Variants in FAM227B observed in about 807,000 individuals in gnomAD.
FAM227B encodes the protein family with sequence similarity 227 member B, also known as protein FAM227B.
In FAM227B, 88 loss-of-function variants were observed where a neutral mutation model predicts 73.8. That is an observed-to-expected ratio of 1.19 (90% CI 1.00 to 1.42). The LOEUF (loss-of-function observed/expected upper bound fraction) is 1.42. Among genes scored for constraint, FAM227B ranks in the 40% most tolerant of loss-of-function variants. FAM227B has a pLI of 0.00. For synonymous variants in FAM227B, 210 were observed against 190.5 expected, an observed-to-expected ratio of 1.10 and a Z score of -0.84; for missense variants, 632 against 590.9, an observed-to-expected ratio of 1.07 and a Z score of -0.72.
At chr15:49,329,316 G>A in intron 15 of FAM227B, 1 of 985,350 alleles carries the variant, frequency 1.0e-6, no homozygotes, top group Non-Finnish European at 1.2e-6. Flanking sequence ...ACTATAGGAA[G>A]CACTTTCTGA....
At chr15:49,403,107 C>G (rs917716115) in intron 11 of FAM227B, among the ~76,000 whole-genome samples, 2 of 152,154 alleles carry the variant, frequency 1.3e-5, no homozygotes, top group Non-Finnish European at 2.9e-5. Flanking sequence ...GTTGAACCAA[C>G]CTTGCATCCC....
At chr15:49,566,506 T>C (rs957396143) in intron 9 of FAM227B, among the ~76,000 whole-genome samples, 2 of 152,232 alleles carry the variant, frequency 1.3e-5, no homozygotes, top group Non-Finnish European at 2.9e-5. Flanking sequence ...TATATTTAGG[T>C]TCAGATTAAT....
At chr15:49,364,838 G>C (rs1257060849) in intron 13 of FAM227B, among the ~76,000 whole-genome samples, 1 of 151,698 alleles carries the variant, frequency 6.6e-6, no homozygotes, top group African/African-American at 2.4e-5. Flanking sequence ...AAAAGCATAG[G>C]GATGGGTCAA....
intron 11 of FAM227B, among the ~76,000 whole-genome samples, chr15:49,447,056 TA>T (rs755782705): frequency 6.6e-6 from 1 of 151,586 alleles, no homozygotes; most frequent in African/African-American, 2.4e-5. Context: ...ACTGTGATTC[TA>T]CTAACATTAC....
Position 49,331,787 on chromosome 15 carries a change from T to C in FAM227B, c.1412A>G (p.His471Arg). ...EVKQDFEKFL[H>R]KLRSEAEIER... ...TTCAGAAAGAAAACCTACCAGTTTA[T>C]GTAGGAACTTCTCAAAGTCCTGTTT... The change falls in exon 15 of 16, where the codon CAT becomes CGT. Residue 471 changes from histidine to arginine, a missense_variant. By Grantham distance (29) the His-to-Arg change is conservative. Coordinates refer to ENST00000299338, the MANE Select transcript of FAM227B (RefSeq NM_152647.3). The C allele has an allele frequency of 6.3e-7, 1 of 1,595,080 alleles. No individual in the cohort carries two copies. The highest frequency in any genetic ancestry group is 8.6e-7 in the Non-Finnish European group (1 of 1,162,758).
At chr15:49,504,204 C>T (rs1481650664) in intron 11 of FAM227B, among the ~76,000 whole-genome samples, 1 of 146,722 alleles carries the variant, frequency 6.8e-6, no homozygotes, top group Non-Finnish European at 1.5e-5. Flanking sequence ...CATGTTCTCA[C>T]TCATAGGTGG....
At chr15:49,516,458 T>C (rs1415797584) in intron 10 of FAM227B, among the ~76,000 whole-genome samples, 6 of 151,900 alleles carry the variant, frequency 3.9e-5, no homozygotes, top group Non-Finnish European at 5.9e-5. Context: ...AAAAATAGAT[T>C]TTGGATTGGT....
intron 5 of FAM227B, among the ~76,000 whole-genome samples, chr15:49,583,835 A>G (rs1048095816): frequency 1.3e-5 from 2 of 152,184 alleles, no homozygotes; most frequent in African/African-American, 4.8e-5. Flanking sequence ...CCCTGAACAG[A>G]CCAATAATGA....
chr15:49,360,699 A>G (rs2044068998), intron 13 of FAM227B, among the ~76,000 whole-genome samples: 1 of 152,216 alleles, frequency 6.6e-6, no homozygotes, highest in Non-Finnish European at 1.5e-5. Context: ...TTTACTCATA[A>G]TTCAAATATC....
chr15:49,464,163 T>G (rs999276332), intron 11 of FAM227B, among the ~76,000 whole-genome samples: 1 of 151,964 alleles, frequency 6.6e-6, no homozygotes, highest in Non-Finnish European at 1.5e-5. Context: ...TAAACGAGGG[T>G]GTAGGGAGGG....
At chr15:49,454,711 G>A (rs1164122627) in intron 11 of FAM227B, among the ~76,000 whole-genome samples, 1 of 152,184 alleles carries the variant, frequency 6.6e-6, no homozygotes, top group Non-Finnish European at 1.5e-5. Context: ...CCGAATTCAA[G>A]CGATTCTCCT....
intron 9 of FAM227B, among the ~76,000 whole-genome samples, chr15:49,560,294 G>A (rs887941592): frequency 6.6e-6 from 1 of 152,004 alleles, no homozygotes; most frequent in Non-Finnish European, 1.5e-5. Flanking sequence ...TTGAAGATCA[G>A]TATTTTGAAC....
At chr15:49,577,356 C>A in intron 6 of FAM227B, 2 of 394,306 alleles carry the variant, frequency 5.1e-6, no homozygotes, top group Non-Finnish European at 9.3e-6. Flanking sequence ...AAATTAAGAA[C>A]CCTAGCACAT....
At chr15:49,465,538 G>A (rs1204681652) in intron 11 of FAM227B, among the ~76,000 whole-genome samples, 1 of 152,022 alleles carries the variant, frequency 6.6e-6, no homozygotes, top group East Asian at 1.9e-4. Flanking sequence ...CATAATATGA[G>A]TGTTGCATGT....
chr15:49,382,039 T>C (rs2046569367), intron 11 of FAM227B, among the ~76,000 whole-genome samples: 1 of 152,034 alleles, frequency 6.6e-6, no homozygotes, highest in African/African-American at 2.4e-5. Context: ...ATAAAAATTA[T>C]GAAGGTATAA....
chr15:49,355,134 T>C lies in FAM227B; in HGVS notation c.1271+12314A>G, dbSNP rs1479751195. On this transcript the variant is annotated intron_variant, in intron 13 of 15. Coordinates refer to ENST00000299338, the MANE Select transcript of FAM227B (RefSeq NM_152647.3). Reference sequence around the variant, plus strand: ...CCAAAAGTAGATAAAACCACAAAGATGGGGAAAAAACAGAACAGAAAAACT... The same window carrying C: ...CCAAAAGTAGATAAAACCACAAAGACGGGGAAAAAACAGAACAGAAAAACT... Among the ~76,000 whole-genome samples the C allele has an allele frequency of 2.7e-5, 4 of 150,730 alleles. No individual in the cohort carries two copies. In the South Asian group the frequency reaches 8.4e-4, roughly 32 times the overall value.
chr15:49,508,190 G>GTA (rs1567436523), intron 11 of FAM227B, 21 bp downstream of exon 11: 1 of 1,596,226 alleles, frequency 6.3e-7, no homozygotes, highest in Admixed American at 1.8e-5. Context: ...CCATTTGGCA[G>GTA]TATACAGAAA....
intron 9 of FAM227B, among the ~76,000 whole-genome samples, chr15:49,555,402 C>T (rs370734708): frequency 6.6e-6 from 1 of 152,306 alleles, no homozygotes; most frequent in East Asian, 1.9e-4. Context: ...GGTTGTAGGG[C>T]TTTTGCTGGA....
intron 13 of FAM227B, chr15:49,365,566 G>GC: frequency 1.1e-6 from 1 of 891,952 alleles, no homozygotes; most frequent in South Asian, 1.3e-5. Flanking sequence ...AGGTCCAGCT[G>GC]CAAGTTTAAC....
Sources: allele counts gnomAD v4.1 joint callset (sites outside exome capture counted in the v4.1 genomes callset), GRCh38; gene constraint gnomAD v4.1.1; transcripts MANE v1.5; gene names NCBI Gene and HGNC (gene_info 2026-07-23, HGNC 2026-07-21).